EDDM13: variants seen among roughly 807,000 people sequenced by gnomAD.
The protein encoded by EDDM13 is epididymal protein 13.
A neutral mutation model predicts 17.8 loss-of-function variants in EDDM13; 24 were observed. That is an observed-to-expected ratio of 1.35 (90% CI 0.98 to 1.90). EDDM13 has a LOEUF of 1.90. Ranked by LOEUF, EDDM13 falls within the 40% of genes most tolerant of loss-of-function variation. EDDM13 has a pLI of 0.00. For synonymous variants in EDDM13, 31 were observed against 37.5 expected, an observed-to-expected ratio of 0.83 and a Z score of 0.63; for missense variants, 97 against 100.8, an observed-to-expected ratio of 0.96 and a Z score of 0.16.
At chr19:56,300,222 A>G (rs111895179) in intron 12 of EDDM13, among the ~76,000 whole-genome samples, 4 of 152,190 alleles carry the variant, frequency 2.6e-5, no homozygotes, top group African/African-American at 9.7e-5. Context: ...GAGACTGCAA[A>G]GACAGAAAAA....
intron 14 of EDDM13, among the ~76,000 whole-genome samples, chr19:56,309,600 G>C (rs1313222470): frequency 2.0e-5 from 3 of 152,194 alleles, no homozygotes; most frequent in African/African-American, 7.2e-5. Context: ...AAGTACCCCT[G>C]ATCCATCCCT....
intron 14 of EDDM13, among the ~76,000 whole-genome samples, chr19:56,308,836 G>A (rs966195905): frequency 3.4e-4 from 52 of 152,244 alleles, no homozygotes; most frequent in African/African-American, 1.1e-3. Flanking sequence ...GGTGTTGAAC[G>A]GTTTCTCAGG....
chr19:56,281,780 A>G (rs2038727891), intron 3 of EDDM13, 82 bp downstream of exon 3: 2 of 830,498 alleles, frequency 2.4e-6, no homozygotes, highest in South Asian at 5.5e-5. Flanking sequence ...AGAGAGAGGC[A>G]AAACTGCTGA....
At chr19:56,302,541 CCCCG>C (rs2040351680) in intron 13 of EDDM13, among the ~76,000 whole-genome samples, 1 of 70,028 alleles carries the variant, frequency 1.4e-5, no homozygotes, top group East Asian at 6.7e-4. Context: ...TCTTCTTCCT[CCCCG>C]TTCCTCCCTC....
chr19:56,298,666 AAT>A (rs1379046419), intron 12 of EDDM13, among the ~76,000 whole-genome samples: 1 of 148,972 alleles, frequency 6.7e-6, no homozygotes, highest in Non-Finnish European at 1.5e-5. Flanking sequence ...AAAAAAAAAA[AAT>A]CTGAATAATC....
chr19:56,289,295 G>A (rs1307491795), intron 8 of EDDM13, among the ~76,000 whole-genome samples: 2 of 152,120 alleles, frequency 1.3e-5, no homozygotes, highest in Admixed American at 1.3e-4. Context: ...TTTATTTGGT[G>A]TAGAAATTGC....
At chr19:56,284,568 G>A (rs1044594064) in intron 5 of EDDM13, among the ~76,000 whole-genome samples, 12 of 143,440 alleles carry the variant, frequency 8.4e-5, no homozygotes, top group Admixed American at 3.0e-4. Flanking sequence ...AGGCTGGAGT[G>A]CAGTGGCACA....
At chr19:56,300,327 G>A (rs1164552064) in intron 12 of EDDM13, among the ~76,000 whole-genome samples, 1 of 152,162 alleles carries the variant, frequency 6.6e-6, no homozygotes, top group Non-Finnish European at 1.5e-5. Flanking sequence ...TAAAGAACTT[G>A]ACAGCTCTAT....
At chr19:56,301,825 G>A (rs1301181676) in intron 12 of EDDM13, 143 bp from the exon 13 acceptor site, 1 of 918,096 alleles carries the variant, frequency 1.1e-6, no homozygotes, top group Non-Finnish European at 1.4e-6. Context: ...TGGCAGTGAT[G>A]GTGGGTGTGG....
chr19:56,294,260 G>C (rs557592132), intron 9 of EDDM13, among the ~76,000 whole-genome samples: 1 of 152,174 alleles, frequency 6.6e-6, no homozygotes, highest in Non-Finnish European at 1.5e-5. Flanking sequence ...GGCGATTCAC[G>C]TGGGCTCTTT....
chr19:56,273,614 G>A (rs1394128697), intron 1 of EDDM13, among the ~76,000 whole-genome samples: 1 of 152,158 alleles, frequency 6.6e-6, no homozygotes, highest in African/African-American at 2.4e-5. Context: ...TCCAGGCAGA[G>A]ACTTGAATAT....
In EDDM13 at chr19:56,273,782, C is replaced by A. The variant is rs1051363921; in HGVS notation, c.85+863C>A. Among the ~76,000 whole-genome samples the A allele has an allele frequency of 5.1e-4, 78 of 152,160 alleles. 2 individuals carry two copies. The highest frequency in any genetic ancestry group is 1.6e-4 in the Non-Finnish European group (11 of 67,994). On this transcript the variant is annotated intron_variant, in intron 1 of 14. Transcript: ENST00000649256. ...AGAACAGACGGGGGCATGTGAGTCA[C>A]AGGAAAAATGTTGGATGTTATCCTC...
intron 14 of EDDM13, among the ~76,000 whole-genome samples, chr19:56,308,470 T>C (rs1341928290): frequency 1.3e-5 from 2 of 151,968 alleles, no homozygotes; most frequent in Non-Finnish European, 2.9e-5. Flanking sequence ...ATTACAGGCA[T>C]GCACCACCAC....
chr19:56,286,907 C>T (rs1443149916), intron 6 of EDDM13, among the ~76,000 whole-genome samples: 1 of 152,270 alleles, frequency 6.6e-6, no homozygotes, highest in African/African-American at 2.4e-5. Flanking sequence ...CCTGGCTCCA[C>T]TATTTACCAG....
intron 12 of EDDM13, chr19:56,299,993 G>A (rs1038692136): frequency 6.6e-6 from 1 of 152,140 alleles, no homozygotes; most frequent in Non-Finnish European, 1.5e-5. Context: ...TAGGCAAAAG[G>A]ATTGTGAAGA....
chr19:56,289,466 C>T (rs572957790), intron 8 of EDDM13, among the ~76,000 whole-genome samples: 248 of 152,232 alleles, frequency 1.6e-3, no homozygotes, highest in African/African-American at 5.6e-3. Context: ...TACTCTAGTT[C>T]GGGTAAGACG....
intron 13 of EDDM13, among the ~76,000 whole-genome samples, chr19:56,303,676 T>C (rs2040493208): frequency 6.6e-6 from 1 of 152,082 alleles, no homozygotes; most frequent in African/African-American, 2.4e-5. Context: ...ATAAGGTCCT[T>C]GAGTCCCCAG....
chr19:56,296,808 TG>T (rs1409861827), intron 11 of EDDM13, among the ~76,000 whole-genome samples: 3 of 152,006 alleles, frequency 2.0e-5, no homozygotes, highest in Admixed American at 2.0e-4. Flanking sequence ...CCGACGTGGG[TG>T]GATCACCTGA....
intron 2 of EDDM13, among the ~76,000 whole-genome samples, chr19:56,279,289 TC>T (rs137984212): frequency 4.1e-4 from 62 of 152,280 alleles, no homozygotes; most frequent in African/African-American, 1.4e-3. Context: ...CTCTTTTTTT[TC>T]CACCCCTACT....
Sources: allele counts gnomAD v4.1 joint callset (sites outside exome capture counted in the v4.1 genomes callset), GRCh38; gene constraint gnomAD v4.1.1; transcripts MANE v1.5; gene names NCBI Gene and HGNC (gene_info 2026-07-23, HGNC 2026-07-21).